The following RHOBTB3 variants were observed in gnomAD, a reference collection of about 807,000 sequenced individuals.
The protein encoded by RHOBTB3 is rho-related BTB domain-containing protein 3.
A neutral mutation model predicts 67.2 loss-of-function variants in RHOBTB3; 47 were observed. The observed-to-expected ratio is 0.70, with a 90% confidence interval of 0.55 to 0.89. The LOEUF (loss-of-function observed/expected upper bound fraction) is 0.89, where lower values mean the gene tolerates loss of function less well. Among genes scored for constraint, RHOBTB3 ranks in the 40% least tolerant of loss-of-function variants. The probability of loss-of-function intolerance (pLI) is 0.00; values close to 1 mark genes in which losing one functional copy is unlikely to be tolerated. For synonymous variants in RHOBTB3, 273 were observed against 274.2 expected (o/e 1.00, Z 0.04); for missense variants, 631 against 750.0 (o/e 0.84, Z 1.85).
At chr5:95,736,846 G>T in intron 2 of RHOBTB3, 43 bp from the exon 3 acceptor site, 1 of 1,285,308 alleles carries the variant, frequency 7.8e-7, no homozygotes, top group Non-Finnish European at 1.1e-6. Flanking sequence ...GGATTGATTG[G>T]ACGATAAGTA....
Position 95,736,929 on chromosome 5 carries a change from T to G in RHOBTB3, c.269T>G (p.Ile90Ser). 6.2e-7 allele frequency: 1 copy of G among 1,611,580 alleles called. No homozygotes were observed. The highest frequency in any genetic ancestry group is 8.5e-7 in the Non-Finnish European group (1 of 1,179,294). ...DSDWYTSRNL[I>S]GGADIIVIKY... ...GATTGGTACACTTCTCGAAATCTAA[T>G]TGGGGGCGCTGACATCATTGTGATC... The change falls in exon 3 of 12, where the codon ATT becomes AGT. Residue 90 changes from isoleucine to serine, a missense_variant. Transcript: ENST00000379982.
chr5:95,731,488 C>A lies in RHOBTB3; in HGVS notation c.-195C>A. 1 of 1,239,352 alleles carries A rather than the reference C, an allele frequency of 8.1e-7. No homozygotes were observed. Among genetic ancestry groups the A allele is most frequent in the African/African-American group, 1.6e-5 (1 of 63,376 alleles). The allele number at this position is 1,239,352 out of a possible 1,614,324, so 76.8% of individuals were successfully genotyped here. A position where few individuals can be genotyped will look rare whatever the true frequency, so the allele number is the denominator to read the frequency against. On this transcript the variant is annotated 5_prime_UTR_variant, in exon 1 of 12. Transcript: ENST00000379982. ...AGCTTATCCCCCGCCCGCTAGCCCGCCCTGGTCCCCGGCTCGCTCGCTGGC... is the reference window on the plus strand; with the variant it reads ...AGCTTATCCCCCGCCCGCTAGCCCGACCTGGTCCCCGGCTCGCTCGCTGGC...
At chr5:95,730,748 C>A, upstream of RHOBTB3, 1 of 320,922 alleles carries the variant, frequency 3.1e-6, no homozygotes, top group South Asian at 2.3e-5. Context: ...AGTAAATAAT[C>A]CCCCCAAGGC....
At chr5:95,788,982 A>G (rs1746299460) in intron 11 of RHOBTB3, 124 bp downstream of exon 11, 1 of 612,454 alleles carries the variant, frequency 1.6e-6, no homozygotes. Flanking sequence ...AATTTCTTGT[A>G]AATTATGCAG....
At chr5:95,758,439 G>A (rs558981160) in intron 6 of RHOBTB3, among the ~76,000 whole-genome samples, 61 of 152,338 alleles carry the variant, frequency 4.0e-4, no homozygotes, top group South Asian at 1.2e-3. Context: ...CATGGCTGGA[G>A]CGTAGAGTGA....
chr5:95,796,129 G>C lies in RHOBTB3; in HGVS notation c.*2955G>C, dbSNP rs1746553961. On this transcript the variant is annotated 3_prime_UTR_variant, in exon 12 of 12. Transcript: ENST00000379982. ...ACAATTGGATAAATTTGACTTCCAA[G>C]ACAGCTAAACTTTTCAACTGCAATT... 6.6e-6 allele frequency: 1 copy of C among 152,192 alleles called. No homozygotes were observed. Among genetic ancestry groups the C allele is most frequent in the African/African-American group, 2.4e-5 (1 of 41,438 alleles). The allele number at this position is 152,192 out of a possible 1,614,324, so 9.4% of individuals were successfully genotyped here. A position where few individuals can be genotyped will look rare whatever the true frequency, so the allele number is the denominator to read the frequency against.
intron 5 of RHOBTB3, among the ~76,000 whole-genome samples, chr5:95,753,194 A>G (rs1017097137): frequency 2.7e-4 from 41 of 151,636 alleles, no homozygotes; most frequent in African/African-American, 9.7e-4. Context: ...CAACTTTTAA[A>G]TATTTCAGCT....
intron 3 of RHOBTB3, among the ~76,000 whole-genome samples, chr5:95,743,695 C>T (rs1458797613): frequency 7.5e-6 from 1 of 132,794 alleles, no homozygotes; most frequent in African/African-American, 2.8e-5. Flanking sequence ...CCTTCCCTCC[C>T]TTCTTCTCCT....
At chr5:95,787,843 A>G (rs1194294898) in intron 10 of RHOBTB3, among the ~76,000 whole-genome samples, 2 of 152,236 alleles carry the variant, frequency 1.3e-5, no homozygotes, top group African/African-American at 4.8e-5. Flanking sequence ...CTAGGATCTG[A>G]TAGGGATAGG....
chr5:95,731,213 TC>T, upstream of RHOBTB3: 1 of 999,888 alleles, frequency 1.0e-6, no homozygotes, highest in African/African-American at 1.7e-5. Flanking sequence ...GGGGAGCGCG[TC>T]CCCCGCATCC....
intron 3 of RHOBTB3, among the ~76,000 whole-genome samples, 169 bp from the exon 4 acceptor site, chr5:95,748,164 G>GGA (rs1216582105): frequency 6.6e-6 from 1 of 151,894 alleles, no homozygotes; most frequent in Non-Finnish European, 1.5e-5. Flanking sequence ...GTTTATTTAG[G>GGA]GAGTCATTGA....
chr5:95,770,024 C>G, intron 8 of RHOBTB3: 1 of 375,082 alleles, frequency 2.7e-6, no homozygotes. Context: ...AGGGGGTAGG[C>G]CTCATAACAC....
intron 11 of RHOBTB3, among the ~76,000 whole-genome samples, chr5:95,790,911 A>C (rs866184238): frequency 6.6e-6 from 1 of 152,232 alleles, no homozygotes; most frequent in African/African-American, 2.4e-5. Context: ...CTTTTGAAAA[A>C]TTGGAAGATC....
chr5:95,788,652 AT>A (rs1341754686), intron 10 of RHOBTB3, 109 bp from the exon 11 acceptor site: 257 of 691,520 alleles, frequency 3.7e-4, no homozygotes, highest in Middle Eastern at 1.7e-3. Flanking sequence ...GTAAAGGCAC[AT>A]TAAACATGAA....
chr5:95,736,024 C>T (rs1755446781), intron 2 of RHOBTB3, among the ~76,000 whole-genome samples: 1 of 152,106 alleles, frequency 6.6e-6, no homozygotes, highest in African/African-American at 2.4e-5. Context: ...ATTGCTTGAA[C>T]TTGGGAGGTG....
intron 3 of RHOBTB3, 72 bp from the exon 4 acceptor site, chr5:95,748,261 T>C (rs540077721): frequency 8.6e-7 from 1 of 1,162,532 alleles, no homozygotes; most frequent in African/African-American, 1.5e-5. Flanking sequence ...TTGTTTAATG[T>C]TCAGATTGTC....
intron 10 of RHOBTB3, among the ~76,000 whole-genome samples, chr5:95,787,937 C>G (rs572195439): frequency 6.6e-6 from 1 of 152,220 alleles, no homozygotes; most frequent in African/African-American, 2.4e-5. Flanking sequence ...GTTGGGTTGC[C>G]CCACCATGTG....
rs1429525354 is a variant in RHOBTB3 at position 95,783,924 on chromosome 5, C to A, written c.1584C>A (p.Ser528=). Residue 528 remains serine (S), a synonymous_variant, in exon 10 of 12, where the codon TCC becomes TCA. Coordinates refer to ENST00000379982, the MANE Select transcript of RHOBTB3 (RefSeq NM_014899.4). ...LQSMPSRELA[S]MNLDIVDLLK... The stretch of plus-strand genomic sequence containing the variant: ...GCATGCCAAGCAGGGAACTGGCATC[C>A]ATGAACCTTGATATAGTTGACCTGC... The A allele has an allele frequency of 6.2e-7, 1 of 1,613,866 alleles. No individual in the cohort carries two copies.
At chr5:95,778,957 G>A (rs1436769974) in intron 8 of RHOBTB3, among the ~76,000 whole-genome samples, 1 of 152,240 alleles carries the variant, frequency 6.6e-6, no homozygotes, top group Admixed American at 6.5e-5. Context: ...GCAGTGCCGA[G>A]CAGTAGGCTC....
Sources: gnomAD v4.1 joint callset for allele counts (sites outside exome capture counted in the v4.1 genomes callset) on GRCh38, gnomAD v4.1.1 for gene constraint, MANE v1.5 for transcripts, NCBI Gene and HGNC (gene_info 2026-07-23, HGNC 2026-07-21) for gene names.